The following TRIM16 variants were observed in gnomAD, a reference collection of about 807,000 sequenced individuals.
TRIM16 encodes the protein tripartite motif containing 16, also known as tripartite motif-containing protein 16.
A neutral mutation model predicts 50.4 loss-of-function variants in TRIM16; 33 were observed. The observed-to-expected ratio is 0.65, with a 90% CI of 0.50 to 0.88. The LOEUF is 0.88. Ranked by LOEUF, TRIM16 falls within the 40% of genes least tolerant of loss-of-function variation. The pLI, the probability that TRIM16 is intolerant of heterozygous loss-of-function variation, is 0.00. For synonymous variants in TRIM16, 229 were observed against 270.7 expected (o/e 0.85, Z 1.51); for missense variants, 581 against 686.8 (o/e 0.85, Z 1.72).
chr17:15,628,083 A>C lies in TRIM16; in HGVS notation c.*532T>G, dbSNP rs1369244019. ...TTACCTGAACAGAGAGGAGAATGGC[A>C]CTAGAAGATGAGGGAGATTTGGTGC... On this transcript the variant is annotated 3_prime_UTR_variant, in exon 12 of 12. Coordinates refer to ENST00000649191, the MANE Select transcript of TRIM16 (RefSeq NM_001348119.1). 1 of 152,986 alleles carries C rather than the reference A, an allele frequency of 6.5e-6. No individual in the cohort carries two copies. Among genetic ancestry groups the C allele is most frequent in the Non-Finnish European group, 1.5e-5 (1 of 68,684 alleles). 9.5% of individuals were successfully genotyped at this position (152,986 alleles called of 1,614,324 possible).
At chr17:15,659,520 T>C (rs924783242) in intron 6 of TRIM16, among the ~76,000 whole-genome samples, 3 of 152,196 alleles carry the variant, frequency 2.0e-5, no homozygotes, top group Non-Finnish European at 2.9e-5. Context: ...CATAGCACAT[T>C]TGAACTATGC....
rs567202736 is a variant in TRIM16, at chr17:15,649,091, C to A, written c.519+2000G>T. On this transcript the variant is annotated intron_variant, in intron 7 of 11. Transcript: ENST00000649191. ...CTCCTGCTTGGAATTGCAATTACCC[C>A]ACATCTCTCTAATACATTAGGTGCC... 9.9e-5 allele frequency among the ~76,000 whole-genome samples: 15 copies of A among 152,262 alleles called. 2 individuals are homozygous for A. In the South Asian group the frequency reaches 2.5e-3, roughly 25 times the overall value.
chr17:15,643,761 G>C (rs908771524), intron 7 of TRIM16, among the ~76,000 whole-genome samples: 9 of 152,324 alleles, frequency 5.9e-5, no homozygotes, highest in Admixed American at 4.6e-4. Context: ...ATGTTTCCAA[G>C]TTCATCAATG....
At chr17:15,632,896 G>T in intron 9 of TRIM16, 2 of 513,408 alleles carry the variant, frequency 3.9e-6, no homozygotes, top group Non-Finnish European at 6.4e-6. Context: ...AAAAAAACAA[G>T]TGAGAACATG....
intron 8 of TRIM16, among the ~76,000 whole-genome samples, chr17:15,638,052 T>C (rs1986925710): frequency 7.6e-6 from 1 of 131,334 alleles, no homozygotes; most frequent in Admixed American, 7.3e-5. Context: ...GAAGGCAGCA[T>C]GCTCGTTAAG....
chr17:15,663,522 T>C (rs1988339229), intron 6 of TRIM16, among the ~76,000 whole-genome samples: 1 of 152,184 alleles, frequency 6.6e-6, no homozygotes, highest in African/African-American at 2.4e-5. Context: ...ACTAGGTCAG[T>C]AAGCCGAGGA....
chr17:15,653,012 C>T (rs1197029437), intron 6 of TRIM16, among the ~76,000 whole-genome samples: 1 of 152,122 alleles, frequency 6.6e-6, no homozygotes, highest in Non-Finnish European at 1.5e-5. Context: ...AGATTTGATC[C>T]CCAATACTGG....
At chr17:15,665,929 A>C (rs1988478460) in intron 6 of TRIM16, among the ~76,000 whole-genome samples, 1 of 151,650 alleles carries the variant, frequency 6.6e-6, no homozygotes, top group Admixed American at 6.6e-5. Context: ...CAACACAACA[A>C]ATTTAACCCT....
chr17:15,636,589 A>G (rs1347271455), intron 8 of TRIM16, among the ~76,000 whole-genome samples: 1 of 147,226 alleles, frequency 6.8e-6, no homozygotes, highest in African/African-American at 2.5e-5. Flanking sequence ...GTGTGTATTC[A>G]GTCTACTTGA....
chr17:15,629,271 G>C (rs1253563522), intron 11 of TRIM16, 73 bp from the exon 12 acceptor site: 1 of 875,162 alleles, frequency 1.1e-6, no homozygotes, highest in East Asian at 2.7e-5. Context: ...TTTAAACCCA[G>C]CTGGGCTCCA....
At chr17:15,649,697 T>C (rs1259471423) in intron 7 of TRIM16, among the ~76,000 whole-genome samples, 2 of 152,200 alleles carry the variant, frequency 1.3e-5, no homozygotes, top group African/African-American at 4.8e-5. Flanking sequence ...AATATTGTGA[T>C]TTTTGTGTCC....
At chr17:15,637,132 C>CG (rs1986810218) in intron 8 of TRIM16, among the ~76,000 whole-genome samples, 1 of 130,750 alleles carries the variant, frequency 7.6e-6, no homozygotes, top group Non-Finnish European at 1.6e-5. Flanking sequence ...GGGGGGTCAG[C>CG]CCCCCGCCCG....
chr17:15,661,915 G>A (rs1242419241), intron 6 of TRIM16, among the ~76,000 whole-genome samples: 2 of 152,128 alleles, frequency 1.3e-5, no homozygotes, highest in African/African-American at 4.8e-5. Context: ...CTGCTGGGGT[G>A]CCCCACAAGT....
Position 15,651,091 on chromosome 17 carries a change from C to A in TRIM16, c.519G>T (p.Glu173Asp). 6.2e-7 allele frequency: 1 copy of A among 1,604,308 alleles called. No individual in the cohort carries two copies. Residue 173 changes from glutamate to aspartate, a missense_variant and splice_region_variant, in exon 7 of 12, where the codon GAG (glutamate) becomes GAT (aspartate). Around this residue, in one of 3 missense-constraint regions of TRIM16, gnomAD observed 450 missense variants for 544.3 expected, o/e 0.83. Transcript: ENST00000649191. ...VSLDAARRDK[E>D]AELQCTQLDL... ...GGATGAATGGTCCCCAAGCACTCAC[C>A]TCCTTGTCCCTGCGGGCTGCATCCA...
In TRIM16 at chr17:15,673,357, C is replaced by T. The variant is rs1355164959; in HGVS notation, c.-338+3819G>A. Among the ~76,000 whole-genome samples, 6 of 152,208 alleles carry T rather than the reference C, an allele frequency of 3.9e-5. No individual in the cohort carries two copies. The East Asian group carries it at 5.8e-4, about 15-fold the overall frequency. ...ACAAAAATCCTTTCTTCTCTAACTT[C>T]AGTTGTGCCTTCTGTAATTCAAGCC... is the stretch of plus-strand genomic sequence containing the variant. On this transcript the variant is annotated intron_variant, in intron 6 of 11. Transcript: ENST00000649191.
intron 6 of TRIM16, among the ~76,000 whole-genome samples, chr17:15,662,876 C>T (rs1988303842): frequency 6.6e-6 from 1 of 152,164 alleles, no homozygotes; most frequent in South Asian, 2.1e-4. Flanking sequence ...TCTTGGTAGG[C>T]TACATGAGGA....
rs1277568196 is a variant in TRIM16, at chr17:15,651,073, T to C, written c.519+18A>G. 1 of 1,587,778 alleles carries C rather than the reference T, an allele frequency of 6.3e-7. No homozygotes were observed. On this transcript the variant is annotated intron_variant, in intron 7 of 11. Transcript: ENST00000649191. ...CACCGCCCTCTCCCAAATGGATGAA[T>C]GGTCCCCAAGCACTCACCTCCTTGT... is the stretch of plus-strand genomic sequence containing the variant.
At chr17:15,665,053 AG>A (rs1988423681) in intron 6 of TRIM16, among the ~76,000 whole-genome samples, 1 of 140,444 alleles carries the variant, frequency 7.1e-6, no homozygotes, top group Non-Finnish European at 1.5e-5. Flanking sequence ...AAAAAAAAAA[AG>A]GCATAGGCAG....
In TRIM16 at chr17:15,660,897, CAAAAAAAAAAAA is replaced by C. The variant is rs550489491; in HGVS notation, c.-337-8963_-337-8952del. 3.0e-4 allele frequency among the ~76,000 whole-genome samples: 18 copies of C among 60,120 alleles called. 1 individual carries two copies. The South Asian group carries it at 4.4e-3, about 15-fold the overall frequency. The allele number at this position is 60,120 out of a possible 152,430, so 39.4% of individuals were successfully genotyped here. The stretch of plus-strand genomic sequence containing the variant: ...TGGGCGACAGAGCGAGACTCCATCT[CAAAAAAAAAAAA>C]AAAAAAAAAAAAAGAACACAGAGGG... On this transcript the variant is annotated intron_variant, in intron 6 of 11. Coordinates refer to ENST00000649191, the MANE Select transcript of TRIM16 (RefSeq NM_001348119.1).
Sources: gnomAD v4.1 joint callset for allele counts (sites outside exome capture counted in the v4.1 genomes callset) on GRCh38, gnomAD v4.1.1 for gene constraint, gnomAD v4.1.1 regional missense constraint, MANE v1.5 for transcripts, NCBI Gene and HGNC (gene_info 2026-07-23, HGNC 2026-07-21) for gene names.